Variants in APBA2 observed in about 807,000 individuals in gnomAD.
APBA2 encodes the protein amyloid beta precursor protein binding family A member 2, also known as amyloid-beta A4 precursor protein-binding family A member 2.
A neutral mutation model predicts 75.0 loss-of-function variants in APBA2; 30 were observed. That is an observed-to-expected ratio of 0.40 (90% CI 0.30 to 0.54). APBA2 has a LOEUF of 0.54. Ranked by LOEUF, APBA2 falls within the 20% of genes least tolerant of loss-of-function variation. The pLI is 0.49. For missense variants in APBA2, 801 were observed against 1,016.1 expected, an observed-to-expected ratio of 0.79 and a Z score of 2.88; for synonymous variants, 444 against 409.6, an observed-to-expected ratio of 1.08 and a Z score of -1.01.
At chr15:29,036,691 C>T (rs2040770149) in intron 3 of APBA2, among the ~76,000 whole-genome samples, 1 of 152,190 alleles carries the variant, frequency 6.6e-6, no homozygotes, top group Non-Finnish European at 1.5e-5. Context: ...CCAGAGTTCC[C>T]TGCTTCTTAC....
intron 10 of APBA2, among the ~76,000 whole-genome samples, chr15:29,103,810 G>T (rs2044255824): frequency 6.6e-6 from 1 of 152,218 alleles, no homozygotes; most frequent in Non-Finnish European, 1.5e-5. Flanking sequence ...GCAGAGGCCT[G>T]GGGGCCGCCC....
intron 2 of APBA2, among the ~76,000 whole-genome samples, chr15:28,982,544 C>G (rs1448949467): frequency 1.3e-5 from 2 of 152,304 alleles, no homozygotes; most frequent in East Asian, 3.9e-4. Context: ...CAGCTTCATC[C>G]TAAGGCTGGT....
At chr15:28,887,691 G>A (rs2031841863) in intron 1 of APBA2, among the ~76,000 whole-genome samples, 3 of 152,292 alleles carry the variant, frequency 2.0e-5, no homozygotes, top group African/African-American at 4.8e-5. Flanking sequence ...AGGGTGACAC[G>A]GACCTGGAAC....
At chr15:29,109,622 C>G (rs1232230126) in intron 13 of APBA2, among the ~76,000 whole-genome samples, 1 of 152,144 alleles carries the variant, frequency 6.6e-6, no homozygotes, top group Non-Finnish European at 1.5e-5. Flanking sequence ...CATTTCTGCC[C>G]ACAGCCCACT....
intron 2 of APBA2, among the ~76,000 whole-genome samples, chr15:28,949,465 C>T (rs1015997230): frequency 6.6e-6 from 1 of 152,090 alleles, no homozygotes; most frequent in African/African-American, 2.4e-5. Context: ...CGTGCCTATT[C>T]CATTGCTTCT....
At chr15:29,013,056 AGAGT>A (rs2039478446) in intron 3 of APBA2, among the ~76,000 whole-genome samples, 1 of 152,076 alleles carries the variant, frequency 6.6e-6, no homozygotes, top group South Asian at 2.1e-4. Flanking sequence ...AATTTCGTCA[AGAGT>A]TTCTAGTTGT....
At position 29,101,844 on chromosome 15, in the gene APBA2, G is replaced by C. The variant is rs2044144173; in HGVS notation, c.1524+60G>C. On this transcript the variant is annotated intron_variant, in intron 10 of 14. Transcript: ENST00000683413. Reference sequence around the variant, plus strand: ...AAGTTCACAGCCCAGGGCGGCTCCAGGATCCAGGCGCTGTGGAAACCACCC... The same window carrying C: ...AAGTTCACAGCCCAGGGCGGCTCCACGATCCAGGCGCTGTGGAAACCACCC... 6 of 1,561,190 alleles carry C rather than the reference G, an allele frequency of 3.8e-6. No individual in the cohort carries two copies. In the South Asian group the frequency reaches 4.7e-5, roughly 12 times the overall value.
rs147369732 is a variant in APBA2, at chr15:29,108,781, C to T, written c.2037+392C>T. On this transcript the variant is annotated intron_variant, in intron 13 of 14. Transcript: ENST00000683413. ...TTCATTCATTCATGTACTCATCATT[C>T]GCTTGTTCACTCAGCCATTCAGCAG... is the stretch of plus-strand genomic sequence containing the variant. 3.9e-5 allele frequency among the ~76,000 whole-genome samples: 6 copies of T among 152,362 alleles called. No individual in the cohort carries two copies. In the South Asian group the frequency reaches 6.2e-4, roughly 16 times the overall value.
chr15:28,965,607 G>A (rs2036699187), intron 2 of APBA2, among the ~76,000 whole-genome samples: 1 of 152,112 alleles, frequency 6.6e-6, no homozygotes, highest in Non-Finnish European at 1.5e-5. Context: ...CCATGAGTAT[G>A]TCTCTTCAGT....
chr15:29,059,210 TTGA>T (rs1000032692), intron 4 of APBA2, among the ~76,000 whole-genome samples: 15 of 151,354 alleles, frequency 9.9e-5, no homozygotes, highest in Non-Finnish European at 1.9e-4. Flanking sequence ...TGCATTTTTG[TTGA>T]TATGTGTGTG....
At chr15:29,045,103 C>CT (rs57446098) in intron 3 of APBA2, among the ~76,000 whole-genome samples, 5 of 140,282 alleles carry the variant, frequency 3.6e-5, no homozygotes, top group South Asian at 2.4e-4. Context: ...CTCTCTCTCT[C>CT]GTCTCGCACT....
At chr15:29,012,230 G>C (rs954710537) in intron 3 of APBA2, among the ~76,000 whole-genome samples, 1 of 152,148 alleles carries the variant, frequency 6.6e-6, no homozygotes, top group African/African-American at 2.4e-5. Context: ...TTTGAGTTCA[G>C]TTATTATGTC....
chr15:29,067,388 G>C (rs371146875), intron 4 of APBA2, among the ~76,000 whole-genome samples: 1 of 152,164 alleles, frequency 6.6e-6, no homozygotes, highest in Non-Finnish European at 1.5e-5. Context: ...TGGCGTGTGT[G>C]GTCGTGAGGC....
At position 29,075,018 on chromosome 15, in the gene APBA2, A is replaced by G; in HGVS notation, c.1032+17A>G. 1 of 1,596,562 alleles carries G rather than the reference A, an allele frequency of 6.3e-7. No individual in the cohort carries two copies. Among genetic ancestry groups the G allele is most frequent in the Non-Finnish European group, 8.6e-7 (1 of 1,165,624 alleles). On this transcript the variant is annotated intron_variant, in intron 5 of 14. Transcript: ENST00000683413. ...ATTCCAGAGGTAATTTTTTTCAAGG[A>G]TGAGAGTTCTGGGCTGGAACACTCA...
chr15:28,940,356 C>CAAAAAAAAAAAAAAAAA (rs398043111), intron 2 of APBA2, among the ~76,000 whole-genome samples: 6 of 38,440 alleles, frequency 1.6e-4, no homozygotes, highest in Admixed American at 4.3e-4. Flanking sequence ...ACTAAAAATA[C>CAAAAAAAAAAAAAAAAA]AAAAAAAAAA....
chr15:28,937,797 C>T (rs2034962481), intron 2 of APBA2, among the ~76,000 whole-genome samples: 1 of 152,080 alleles, frequency 6.6e-6, no homozygotes, highest in Middle Eastern at 3.2e-3. Flanking sequence ...GCTGGGACTA[C>T]AGGCGCCCGC....
intron 4 of APBA2, among the ~76,000 whole-genome samples, chr15:29,074,502 T>C (rs913278457): frequency 2.0e-5 from 3 of 151,804 alleles, no homozygotes; most frequent in African/African-American, 7.3e-5. Context: ...CAGGTTGGGG[T>C]TGGGGTTGGG....
chr15:29,092,612 G>A (rs946149231), intron 6 of APBA2, among the ~76,000 whole-genome samples: 2 of 152,242 alleles, frequency 1.3e-5, no homozygotes, highest in South Asian at 2.1e-4. Flanking sequence ...AGCTACACGG[G>A]TGTCCTGAGA....
chr15:29,070,911 A>G (rs1055407034), intron 4 of APBA2: 1 of 340,618 alleles, frequency 2.9e-6, no homozygotes, highest in Non-Finnish European at 5.8e-6. Flanking sequence ...TAACGGAGTC[A>G]TTCGTCCGCC....
Sources: gnomAD v4.1 joint callset for allele counts (sites outside exome capture counted in the v4.1 genomes callset) on GRCh38, gnomAD v4.1.1 for gene constraint, MANE v1.5 for transcripts, NCBI Gene and HGNC (gene_info 2026-07-23, HGNC 2026-07-21) for gene names.